Variants in FHL2 observed in about 807,000 individuals in gnomAD.
FHL2 encodes four and a half LIM domains 2, also known as four and a half LIM domains protein 2.
Under a neutral mutation model 32.7 loss-of-function variants are expected in FHL2, and 20 were observed. That is an observed-to-expected ratio of 0.61 (90% CI 0.43 to 0.89). The LOEUF (loss-of-function observed/expected upper bound fraction) is 0.89. Ranked by LOEUF, FHL2 falls within the 40% of genes least tolerant of loss-of-function variation. The pLI is 0.00. For synonymous variants in FHL2, 123 were observed against 128.1 expected (o/e 0.96, Z 0.27); for missense variants, 311 against 358.6 (o/e 0.87, Z 1.07).
At chr2:105,394,720 T>C (rs1683004198) in intron 2 of FHL2, among the ~76,000 whole-genome samples, 1 of 152,252 alleles carries the variant, frequency 6.6e-6, no homozygotes, top group Non-Finnish European at 1.5e-5. Flanking sequence ...TAAAATTGAC[T>C]ATGCTTACCA....
At chr2:105,373,089 C>T (rs1426675818) in intron 4 of FHL2, among the ~76,000 whole-genome samples, 1 of 152,218 alleles carries the variant, frequency 6.6e-6, no homozygotes, top group Non-Finnish European at 1.5e-5. Context: ...AGAACACCAA[C>T]TCTACAAGGG....
At chr2:105,400,773 T>G (rs1209349996), upstream of FHL2, among the ~76,000 whole-genome samples, 1 of 151,948 alleles carries the variant, frequency 6.6e-6, no homozygotes, top group Non-Finnish European at 1.5e-5. Context: ...AGTTCTGTTA[T>G]TTTTCTTCTA....
chr2:105,393,338 T>A (rs1285697790), intron 2 of FHL2, among the ~76,000 whole-genome samples: 2 of 152,140 alleles, frequency 1.3e-5, no homozygotes, highest in Non-Finnish European at 2.9e-5. Flanking sequence ...CATGCAGCCC[T>A]TCAACACATG....
intron 3 of FHL2, chr2:105,386,049 C>A: frequency 2.3e-6 from 1 of 433,052 alleles, no homozygotes; most frequent in Non-Finnish European, 4.1e-6. Context: ...GAGAGCACCA[C>A]CCTTAAGAAA....
chr2:105,367,930 C>T (rs1311104494), intron 4 of FHL2, among the ~76,000 whole-genome samples, 191 bp from the exon 5 acceptor site: 1 of 152,214 alleles, frequency 6.6e-6, no homozygotes, highest in East Asian at 1.9e-4. Context: ...TTTTGGTTCA[C>T]TACTGTACAC....
At chr2:105,374,926 C>A (rs1395895332) in intron 3 of FHL2, among the ~76,000 whole-genome samples, 1 of 152,138 alleles carries the variant, frequency 6.6e-6, no homozygotes, top group East Asian at 1.9e-4. Flanking sequence ...TGGTAGGTAT[C>A]CTGAACAGGG....
intron 1 of FHL2, among the ~76,000 whole-genome samples, chr2:105,421,861 G>C (rs556539117): frequency 1.9e-4 from 29 of 152,290 alleles, no homozygotes; most frequent in African/African-American, 7.0e-4. Context: ...CAACATTCTA[G>C]GATTTAGTTT....
intron 2 of FHL2, among the ~76,000 whole-genome samples, chr2:105,395,339 CT>C (rs2104620791): frequency 6.6e-6 from 1 of 152,340 alleles, no homozygotes; most frequent in East Asian, 1.9e-4. Flanking sequence ...CATGCCTTCC[CT>C]GAGTGAGTTA....
intron 1 of FHL2, among the ~76,000 whole-genome samples, chr2:105,417,832 T>C (rs1005607066): frequency 6.6e-6 from 1 of 152,144 alleles, no homozygotes; most frequent in Non-Finnish European, 1.5e-5. Context: ...TTCCCCCTAC[T>C]GCTTGGTGAT....
chr2:105,399,398 G>C, upstream of FHL2: 3 of 1,536,120 alleles, frequency 2.0e-6, no homozygotes, highest in Non-Finnish European at 2.6e-6. Context: ...CGGGAGACTG[G>C]AGAAGCCCCA....
chr2:105,365,681 A>C (rs934731600), intron 5 of FHL2, among the ~76,000 whole-genome samples: 1 of 151,870 alleles, frequency 6.6e-6, no homozygotes, highest in Non-Finnish European at 1.5e-5. Context: ...CTACAAAAAA[A>C]AAAAAAAAAA....
intron 1 of FHL2, among the ~76,000 whole-genome samples, chr2:105,411,594 C>A (rs891530974): frequency 1.2e-4 from 14 of 121,696 alleles, no homozygotes; most frequent in Non-Finnish European, 2.2e-4. Context: ...GTTCCCAGCA[C>A]TTTGGTAGGC....
chr2:105,435,610 T>C lies in FHL2; in HGVS notation c.-25+2789A>G, dbSNP rs931273669. Among the ~76,000 whole-genome samples the C allele has an allele frequency of 2.6e-5, 4 of 151,652 alleles. No homozygotes were observed. In the East Asian group the frequency reaches 7.7e-4, roughly 29 times the overall value. ...GCTGAGGCAGGTGGATCACCTGGGA[T>C]CAGGAGTTCATGACCAGCCTGGCCA... is the stretch of plus-strand genomic sequence containing the variant. On this transcript the variant is annotated intron_variant, in intron 1 of 5. Transcript: ENST00000393352.
At chr2:105,359,022 A>C (rs1340140352), downstream of FHL2, 2 of 152,248 alleles carry the variant, frequency 1.3e-5, no homozygotes, top group African/African-American at 4.8e-5. Context: ...AGGCCGAAAC[A>C]GGAAAATCAC....
intron 1 of FHL2, among the ~76,000 whole-genome samples, chr2:105,433,795 A>C (rs1684510926): frequency 6.6e-6 from 1 of 152,186 alleles, no homozygotes; most frequent in Non-Finnish European, 1.5e-5. Context: ...TTAAATCTGG[A>C]ATCCAAATCA....
chr2:105,400,270 G>T (rs1219256202), upstream of FHL2, among the ~76,000 whole-genome samples: 1 of 152,188 alleles, frequency 6.6e-6, no homozygotes. Context: ...TATATTACGG[G>T]ATCAGAAATG....
At chr2:105,372,933 A>AAAAAC (rs1281049169) in intron 4 of FHL2, among the ~76,000 whole-genome samples, 1 of 152,300 alleles carries the variant, frequency 6.6e-6, no homozygotes, top group Non-Finnish European at 1.5e-5. Context: ...CTCCTACATA[A>AAAAAC]AAAACAAAAC....
rs554576745 is a variant in FHL2, at chr2:105,361,892, C to T, written c.689-458G>A. On this transcript the variant is annotated intron_variant, in intron 6 of 6. Coordinates refer to ENST00000530340, the MANE Select transcript of FHL2 (RefSeq NM_001318895.3). ...CAGGAAAGGCCTCACAGATAAAGTG[C>T]GATGTGGGTGGGAATGAGGGGAGAG... Among the ~76,000 whole-genome samples, 5 of 152,042 alleles carry T rather than the reference C, an allele frequency of 3.3e-5. No individual in the cohort carries two copies. In the East Asian group the frequency reaches 5.8e-4, roughly 18 times the overall value.
At chr2:105,375,863 T>G (rs190439663) in intron 3 of FHL2, 10 of 152,302 alleles carry the variant, frequency 6.6e-5, no homozygotes, top group Non-Finnish European at 1.5e-4. Flanking sequence ...CTTTTGTATT[T>G]TTAGCTTAAA....
Sources: gnomAD v4.1 joint callset for allele counts (sites outside exome capture counted in the v4.1 genomes callset) on GRCh38, gnomAD v4.1.1 for gene constraint, MANE v1.5 for transcripts, NCBI Gene and HGNC (gene_info 2026-07-23, HGNC 2026-07-21) for gene names.